Variants in GRID1 observed in about 807,000 individuals in gnomAD.
GRID1 encodes the protein glutamate ionotropic receptor delta type subunit 1, also known as glutamate receptor ionotropic, delta-1.
A neutral mutation model predicts 98.0 loss-of-function variants in GRID1; 28 were observed. The observed-to-expected ratio is 0.29, with a 90% CI of 0.21 to 0.39. The LOEUF (loss-of-function observed/expected upper bound fraction) is 0.39, where lower values mean the gene tolerates loss of function less well. Among genes scored for constraint, GRID1 ranks in the 10% least tolerant of loss-of-function variants. GRID1 has a pLI of 1.00. For synonymous variants in GRID1, 553 were observed against 538.5 expected (o/e 1.03, Z -0.37); for missense variants, 1,111 against 1,340.5 (o/e 0.83, Z 2.67).
intron 5 of GRID1, among the ~76,000 whole-genome samples, chr10:85,881,927 G>GA (rs1269820957): frequency 1.4e-4 from 21 of 151,888 alleles, no homozygotes; most frequent in Admixed American, 6.6e-4. Flanking sequence ...AAATTTACAA[G>GA]AAAAAAACAA....
chr10:86,103,228 C>A (rs1844325656), intron 4 of GRID1, among the ~76,000 whole-genome samples: 2 of 152,178 alleles, frequency 1.3e-5, no homozygotes, highest in South Asian at 4.1e-4. Flanking sequence ...GCCCACTAAG[C>A]CCCTGTGTGC....
At chr10:86,055,813 T>TTCTC (rs141146400) in intron 4 of GRID1, among the ~76,000 whole-genome samples, 1,827 of 147,420 alleles carry the variant, frequency 0.012, 35 homozygotes, top group African/African-American at 0.043. Flanking sequence ...TGTGCTCTCA[T>TTCTC]TCTCTCTCTC....
intron 12 of GRID1, among the ~76,000 whole-genome samples, chr10:85,668,281 T>C (rs1841045890): frequency 1.3e-5 from 2 of 152,138 alleles, no homozygotes; most frequent in African/African-American, 2.4e-5. Context: ...ATTCATTCCA[T>C]ATGTGAGCAA....
chr10:86,243,171 G>T (rs1054903408), intron 2 of GRID1, among the ~76,000 whole-genome samples: 1 of 152,156 alleles, frequency 6.6e-6, no homozygotes, highest in African/African-American at 2.4e-5. Context: ...GCAGGTGTGG[G>T]TGCCATCAGG....
chr10:85,817,924 G>A lies in GRID1; in HGVS notation c.1233+36572C>T, dbSNP rs111959038. ...AAAAGAATTTCATTGTAGCACAAAT[G>A]AAAGGCATAACCTCACTGAAGGCAG... is the stretch of plus-strand genomic sequence containing the variant. On this transcript the variant is annotated intron_variant, in intron 8 of 15. Coordinates refer to ENST00000327946, the MANE Select transcript of GRID1 (RefSeq NM_017551.3). Among the ~76,000 whole-genome samples the A allele has an allele frequency of 5.7e-3, 872 of 152,258 alleles. 8 individuals are homozygous for A. Among genetic ancestry groups the A allele is most frequent in the African/African-American group, 0.02 (820 of 41,578 alleles).
chr10:85,932,145 G>A (rs896963143), intron 4 of GRID1, among the ~76,000 whole-genome samples: 1 of 152,178 alleles, frequency 6.6e-6, no homozygotes, highest in Non-Finnish European at 1.5e-5. Flanking sequence ...CCCCACAATA[G>A]TATCTTTATT....
intron 2 of GRID1, among the ~76,000 whole-genome samples, chr10:86,338,554 C>T (rs1848262682): frequency 6.6e-6 from 1 of 152,122 alleles, no homozygotes; most frequent in Non-Finnish European, 1.5e-5. Flanking sequence ...CCTAAGAGTC[C>T]ACAGTAACAG....
intron 8 of GRID1, among the ~76,000 whole-genome samples, chr10:85,758,863 G>A (rs980225647): frequency 6.6e-6 from 1 of 152,174 alleles, no homozygotes; most frequent in Admixed American, 6.5e-5. Context: ...CCCACTATAA[G>A]CTGGTGGAAC....
chr10:85,703,278 T>TA (rs1463317121), intron 12 of GRID1, among the ~76,000 whole-genome samples: 7 of 151,972 alleles, frequency 4.6e-5, no homozygotes, highest in Non-Finnish European at 7.4e-5. Flanking sequence ...CTCCAGCTGA[T>TA]AAAAAATCCA....
chr10:86,245,983 T>C (rs562814473), intron 2 of GRID1, among the ~76,000 whole-genome samples: 1 of 152,286 alleles, frequency 6.6e-6, no homozygotes, highest in East Asian at 1.9e-4. Flanking sequence ...AAACCCACCA[T>C]GATCCATACA....
At chr10:86,041,179 T>C (rs942623283) in intron 4 of GRID1, among the ~76,000 whole-genome samples, 1 of 152,220 alleles carries the variant, frequency 6.6e-6, no homozygotes, top group African/African-American at 2.4e-5. Context: ...CAGAGCTCCT[T>C]GGTCCAGCCA....
intron 8 of GRID1, among the ~76,000 whole-genome samples, chr10:85,775,736 T>C (rs1302239243): frequency 6.6e-6 from 1 of 152,116 alleles, no homozygotes; most frequent in African/African-American, 2.4e-5. Context: ...TAAAAGAATA[T>C]TGTTGAAAAG....
At chr10:85,885,556 G>C (rs1049978377) in intron 5 of GRID1, among the ~76,000 whole-genome samples, 2 of 152,184 alleles carry the variant, frequency 1.3e-5, no homozygotes, top group African/African-American at 4.8e-5. Context: ...CAATAAAAAT[G>C]ATGATAATAC....
chr10:85,933,285 TAAAAA>T (rs59704249), intron 4 of GRID1, among the ~76,000 whole-genome samples: 140 of 120,446 alleles, frequency 1.2e-3, no homozygotes, highest in African/African-American at 4.6e-3. Context: ...CTCTGTTCTT[TAAAAA>T]AAAAAAAAAA....
At position 85,843,752 on chromosome 10, in the gene GRID1, A is replaced by G. The variant is rs73334783; in HGVS notation, c.1233+10744T>C. Among the ~76,000 whole-genome samples the G allele has an allele frequency of 5.7e-3, 869 of 152,244 alleles. 8 individuals carry two copies. Among genetic ancestry groups the G allele is most frequent in the African/African-American group, 0.02 (817 of 41,572 alleles). ...ATTAAAGCCACAATAAGATATCTCC[A>G]TGCAATTATTAAATAAAAAATAGTG... On this transcript the variant is annotated intron_variant, in intron 8 of 15. Coordinates refer to ENST00000327946, the MANE Select transcript of GRID1 (RefSeq NM_017551.3).
At chr10:86,162,270 A>T (rs978533374) in intron 3 of GRID1, among the ~76,000 whole-genome samples, 1 of 152,214 alleles carries the variant, frequency 6.6e-6, no homozygotes, top group African/African-American at 2.4e-5. Context: ...CAAGGAGGGA[A>T]CTGACCCAGA....
chr10:85,927,414 G>A (rs1841789456), intron 4 of GRID1, among the ~76,000 whole-genome samples: 1 of 152,020 alleles, frequency 6.6e-6, no homozygotes, highest in South Asian at 2.1e-4. Flanking sequence ...AGGGTCTTCT[G>A]CCAGGCAGCA....
chr10:85,933,630 C>T (rs1284298452), intron 4 of GRID1, among the ~76,000 whole-genome samples: 2 of 152,186 alleles, frequency 1.3e-5, no homozygotes, highest in African/African-American at 4.8e-5. Context: ...AGCAGTGAAA[C>T]AGACACAACT....
At chr10:85,652,720 C>T (rs1265901032) in intron 12 of GRID1, among the ~76,000 whole-genome samples, 2 of 152,190 alleles carry the variant, frequency 1.3e-5, no homozygotes, top group Admixed American at 1.3e-4. Context: ...ACCCACCCTG[C>T]TGCACACTGA....
Sources: allele counts gnomAD v4.1 joint callset (sites outside exome capture counted in the v4.1 genomes callset), GRCh38; gene constraint gnomAD v4.1.1; transcripts MANE v1.5; gene names NCBI Gene and HGNC (gene_info 2026-07-23, HGNC 2026-07-21).